AKNAD1: variants seen among roughly 807,000 people sequenced by gnomAD.
The protein encoded by AKNAD1 is AKNA domain containing 1.
Under a neutral mutation model 90.8 loss-of-function variants are expected in AKNAD1, and 67 were observed. The observed-to-expected ratio is 0.74, with a 90% CI of 0.61 to 0.90. The LOEUF (loss-of-function observed/expected upper bound fraction) is 0.90, where lower values mean the gene tolerates loss of function less well. Among genes scored for constraint, AKNAD1 ranks in the 40% least tolerant of loss-of-function variants. AKNAD1 has a pLI of 0.00. For missense variants in AKNAD1, 957 were observed against 975.4 expected (o/e 0.98, Z 0.25); for synonymous variants, 327 against 341.4 (o/e 0.96, Z 0.46).
In AKNAD1 at chr1:108,820,530, T is replaced by C. The variant is rs150374829; in HGVS notation, c.2249+15A>G. On this transcript the variant is annotated intron_variant, in intron 14 of 15. Transcript: ENST00000370001. Reference sequence around the variant, plus strand: ...ATGAGAAATATTTTGTTACTGATAATGAAATAATACTTACTTTCCTGGTGT... The same window carrying C: ...ATGAGAAATATTTTGTTACTGATAACGAAATAATACTTACTTTCCTGGTGT... The C allele has an allele frequency of 7.4e-4, 1,137 of 1,543,122 alleles. 4 individuals carry two copies. The African/African-American group carries it at 0.014, about 19-fold the overall frequency.
chr1:108,853,087 A>G (rs887204021), intron 1 of AKNAD1, among the ~76,000 whole-genome samples: 3 of 151,922 alleles, frequency 2.0e-5, no homozygotes, highest in Admixed American at 6.6e-5. Context: ...TTATTCTCCC[A>G]AAGTAGGAAC....
At chr1:108,850,460 AC>A (rs1570828340) in intron 2 of AKNAD1, among the ~76,000 whole-genome samples, 1 of 151,906 alleles carries the variant, frequency 6.6e-6, no homozygotes, top group Non-Finnish European at 1.5e-5. Flanking sequence ...AGAACAAGGA[AC>A]CCCGACACTT....
chr1:108,856,686 A>ACC (rs1665051467), intron 1 of AKNAD1, among the ~76,000 whole-genome samples: 3 of 150,734 alleles, frequency 2.0e-5, no homozygotes, highest in Non-Finnish European at 4.5e-5. Context: ...AGCCTGGGTG[A>ACC]CAGAGCAAGA....
chr1:108,851,573 G>A, intron 2 of AKNAD1, 99 bp downstream of exon 2: 1 of 1,220,168 alleles, frequency 8.2e-7, no homozygotes, highest in East Asian at 2.4e-5. Context: ...ATGAAACTTT[G>A]GAACTAGAAC....
rs1481392825 is a variant in AKNAD1, at chr1:108,817,194, C to T, written c.2250-17G>A. 1.9e-6 allele frequency: 3 copies of T among 1,613,514 alleles called. No individual in the cohort carries two copies. Among genetic ancestry groups the T allele is most frequent in the Non-Finnish European group, 2.5e-6 (3 of 1,179,796 alleles). On this transcript the variant is annotated splice_polypyrimidine_tract_variant and intron_variant, in intron 14 of 15. Coordinates refer to ENST00000370001, the MANE Select transcript of AKNAD1 (RefSeq NM_152763.5). ...AGTTTTTTTCTGGAAGACAAAAGCACATTGATACTTGTGTCAAGCGCCACC... is the reference window on the plus strand; with the variant it reads ...AGTTTTTTTCTGGAAGACAAAAGCATATTGATACTTGTGTCAAGCGCCACC...
intron 6 of AKNAD1, among the ~76,000 whole-genome samples, chr1:108,840,001 A>C (rs999509498): frequency 1.4e-5 from 2 of 143,580 alleles, no homozygotes; most frequent in Non-Finnish European, 3.0e-5. Context: ...TCCAGCCTGG[A>C]CAAGAGTGAG....
intron 1 of AKNAD1, among the ~76,000 whole-genome samples, chr1:108,854,836 C>G (rs1415001650): frequency 6.6e-6 from 1 of 152,148 alleles, no homozygotes; most frequent in African/African-American, 2.4e-5. Flanking sequence ...TCTGAATACT[C>G]TGGCTTCTCT....
intron 8 of AKNAD1, 51 bp downstream of exon 8, chr1:108,834,878 G>A (rs1433011483): frequency 1.3e-6 from 2 of 1,496,414 alleles, no homozygotes; most frequent in South Asian, 2.8e-5. Flanking sequence ...CATGAGGAAG[G>A]GGCCTCTTTC....
rs751340297 is a variant in AKNAD1 at position 108,816,254 on chromosome 1, TCAA to T, written c.2425_2427del (p.Leu809del). On this transcript the variant is annotated inframe_deletion, in exon 16 of 16. Transcript: ENST00000370001. ...TTAATCATTTGATCTGTAGTTTCTT[TCAA>T]AATGGTTGCTGTCCTTAGGGCATGA... The T allele has an allele frequency of 5.0e-6, 8 of 1,613,938 alleles. No homozygotes were observed. In the African/African-American group the frequency reaches 8.0e-5, roughly 16 times the overall value.
Position 108,852,120 on chromosome 1 carries a change from T to C in AKNAD1, c.545A>G (p.Asn182Ser). Residue 182 changes from asparagine to serine, a missense_variant, in exon 2 of 16, where the codon AAT (asparagine) becomes AGT (serine). Physicochemically the swap from Asn to Ser is conservative, Grantham distance 46 (BLOSUM62 1). Transcript: ENST00000370001. ...LNPKRDGENS[N>S]KPGSATTTEE... ...TGTCGTGGTGGCAGAACCAGGCTTATTGCTGTTTTCACCATCCCTTTTCGG... is the reference window on the plus strand; with the variant it reads ...TGTCGTGGTGGCAGAACCAGGCTTACTGCTGTTTTCACCATCCCTTTTCGG... 1 of 1,614,204 alleles carries C rather than the reference T, an allele frequency of 6.2e-7. No individual in the cohort carries two copies. Among genetic ancestry groups the C allele is most frequent in the Non-Finnish European group, 8.5e-7 (1 of 1,180,034 alleles).
chr1:108,834,151 G>A (rs975648010), intron 9 of AKNAD1, among the ~76,000 whole-genome samples: 20 of 151,892 alleles, frequency 1.3e-4, no homozygotes, highest in African/African-American at 4.1e-4. Context: ...TTGCAGGCTC[G>A]CCCCAAACTT....
In AKNAD1 at chr1:108,851,521, G is replaced by C. The variant is rs17029998; in HGVS notation, c.993+151C>G. ...GCTTCTCGTGAGGACACTGAGAGTC[G>C]GAGTGGCCACGTCACTCATCCAGGG... On this transcript the variant is annotated intron_variant, in intron 2 of 15. Coordinates refer to ENST00000370001, the MANE Select transcript of AKNAD1 (RefSeq NM_152763.5). The C allele has an allele frequency of 7.2e-3, 4,532 of 626,194 alleles. 116 individuals are homozygous for C. The highest frequency in any genetic ancestry group is 0.061 in the African/African-American group (3,369 of 55,136). 38.8% of individuals were successfully genotyped at this position (626,194 alleles called of 1,614,324 possible).
In AKNAD1 at chr1:108,834,450, A is replaced by G. The variant is rs563187777; in HGVS notation, c.1743T>C (p.Ser581=). Residue 581 remains serine (S), a synonymous_variant, in exon 9 of 16, where the codon TCT becomes TCC. Coordinates refer to ENST00000370001, the MANE Select transcript of AKNAD1 (RefSeq NM_152763.5). ...GGCCCCGGCTGCAGGACATTACCCC[A>G]GAGTTAGAAGACAGCCTCATGGCCA... ...DQVAMRLSSN[S]GEDPNGTPRR... is the part of the protein sequence containing the mutation. 6.2e-7 allele frequency: 1 copy of G among 1,608,672 alleles called. No individual in the cohort carries two copies. Among genetic ancestry groups the G allele is most frequent in the African/African-American group, 1.3e-5 (1 of 74,930 alleles).
At position 108,827,236 on chromosome 1, in the gene AKNAD1, A is replaced by G. The variant is rs1664029041; in HGVS notation, c.1905T>C (p.His635=). The G allele has an allele frequency of 1.9e-6, 3 of 1,611,636 alleles. No individual in the cohort carries two copies. Among genetic ancestry groups the G allele is most frequent in the Non-Finnish European group, 2.5e-6 (3 of 1,179,412 alleles). Residue 635 remains histidine (H), a synonymous_variant, in exon 11 of 16, where the codon CAT becomes CAC. Transcript: ENST00000370001. The part of the protein sequence containing the change: ...INCGRFSIVL[H]EKAPHSDSTP... Reference sequence around the variant, plus strand: ...TTGAATCTGAGTGTGGTGCCTTTTCATGAAGGACAATTGAAAATCTTCCAC... The same window carrying G: ...TTGAATCTGAGTGTGGTGCCTTTTCGTGAAGGACAATTGAAAATCTTCCAC...
At position 108,851,763 on chromosome 1, in the gene AKNAD1, T is replaced by A. The variant is rs1213829597; in HGVS notation, c.902A>T (p.Asp301Val). Reference sequence around the variant, plus strand: ...TGACTCAGGCGTGGTTTCTAGACTATCTTGCACAAGAGTGGGTTTATCTCT... The same window carrying A: ...TGACTCAGGCGTGGTTTCTAGACTAACTTGCACAAGAGTGGGTTTATCTCT... ...KSRDKPTLVQDSLETTPESNC... is the reference protein window; with the variant it reads ...KSRDKPTLVQVSLETTPESNC... The change falls in exon 2 of 16, where the codon GAT becomes GTT. Residue 301 changes from aspartate to valine, a missense_variant. Asp to Val is a radical substitution (Grantham distance 152). Transcript: ENST00000370001. 3 of 1,613,990 alleles carry A rather than the reference T, an allele frequency of 1.9e-6. No individual in the cohort carries two copies. Among genetic ancestry groups the A allele is most frequent in the African/African-American group, 2.7e-5 (2 of 74,944 alleles).
intron 13 of AKNAD1, 171 bp downstream of exon 13, chr1:108,823,199 C>G (rs963225966): frequency 1.4e-6 from 1 of 724,856 alleles, no homozygotes; most frequent in Admixed American, 2.0e-5. Context: ...CTCTTGCCAT[C>G]CAGATGTAGG....
At chr1:108,849,106 T>C (rs1468224444) in intron 3 of AKNAD1, 46 bp from the exon 4 acceptor site, 6 of 1,500,000 alleles carry the variant, frequency 4.0e-6, no homozygotes, top group Middle Eastern at 1.8e-4. Flanking sequence ...TCTCAACTTA[T>C]CACAGTTTTA....
chr1:108,838,108 A>G (rs1664438308), intron 6 of AKNAD1, among the ~76,000 whole-genome samples: 1 of 152,204 alleles, frequency 6.6e-6, no homozygotes. Context: ...GAATAATTTA[A>G]TTAACAAGTT....
At chr1:108,822,939 G>A (rs760020381) in intron 13 of AKNAD1, 10 of 412,548 alleles carry the variant, frequency 2.4e-5, no homozygotes, top group Middle Eastern at 6.5e-4. Flanking sequence ...TTTTTGCATT[G>A]GAAGTTAGCA....
Sources: gnomAD v4.1 joint callset for allele counts (sites outside exome capture counted in the v4.1 genomes callset) on GRCh38, gnomAD v4.1.1 for gene constraint, MANE v1.5 for transcripts, NCBI Gene and HGNC (gene_info 2026-07-23, HGNC 2026-07-21) for gene names.